Variants in ABCA6 observed in about 807,000 individuals in gnomAD.
ABCA6 encodes ATP-binding cassette sub-family A member 6.
ABCA6 carries 164 observed loss-of-function variants against 191.2 expected under a neutral mutation model. The observed-to-expected ratio is 0.86, with a 90% CI of 0.76 to 0.98. The LOEUF is 0.98. ABCA6 is among the 50% of genes least tolerant of loss of function. The pLI is 0.00. For missense variants in ABCA6, 1,958 were observed against 1,894.1 expected, an observed-to-expected ratio of 1.03 and a Z score of -0.63; for synonymous variants, 636 against 647.7, an observed-to-expected ratio of 0.98 and a Z score of 0.27.
In ABCA6 at chr17:69,105,565, T is replaced by A; in HGVS notation, c.2637A>T (p.Leu879Phe). 1 of 1,576,896 alleles carries A rather than the reference T, an allele frequency of 6.3e-7. No individual in the cohort carries two copies. The highest frequency in any genetic ancestry group is 8.7e-7 in the Non-Finnish European group (1 of 1,147,860). Residue 879 changes from leucine (L) to phenylalanine (F), a missense_variant, in exon 20 of 39, where the codon TTA becomes TTT. Physicochemically the swap from Leu to Phe is conservative, Grantham distance 22. Coordinates refer to ENST00000284425, the MANE Select transcript of ABCA6 (RefSeq NM_080284.3). ...TAAATTCCCAATCGATCTTTTCATT[T>A]AACATAGCATACATTATATTTTCAA... Reference protein sequence around the residue: ...LIVENIMYAMLNEKIDWEFKN... With the variant: ...LIVENIMYAMFNEKIDWEFKN...
chr17:69,083,476 A>T, intron 34 of ABCA6, 145 bp from the exon 35 acceptor site: 1 of 726,534 alleles, frequency 1.4e-6, no homozygotes, highest in Non-Finnish European at 2.0e-6. Flanking sequence ...TGATAACATA[A>T]ATAACATTTT....
intron 20 of ABCA6, chr17:69,103,813 T>C (rs997486218): frequency 6.6e-5 from 10 of 151,696 alleles, no homozygotes; most frequent in Admixed American, 5.9e-4. Context: ...CATATTTACT[T>C]ACTGAGAGAC....
intron 6 of ABCA6, among the ~76,000 whole-genome samples, chr17:69,133,116 T>C (rs1182217906): frequency 1.3e-5 from 2 of 152,216 alleles, no homozygotes; most frequent in Non-Finnish European, 2.9e-5. Context: ...AGGAATATTA[T>C]GTGGGCTCTC....
intron 17 of ABCA6, chr17:69,110,426 A>C (rs929672006): frequency 5.1e-6 from 1 of 195,022 alleles, no homozygotes; most frequent in African/African-American, 2.4e-5. Context: ...CCCTTAATCA[A>C]CAATGGATAG....
chr17:69,097,238 A>G (rs2073070186), intron 23 of ABCA6, among the ~76,000 whole-genome samples: 1 of 152,152 alleles, frequency 6.6e-6, no homozygotes, highest in African/African-American at 2.4e-5. Flanking sequence ...TAAAAACACA[A>G]AAAGTAGTTG....
rs1196866549 is a variant in ABCA6, at chr17:69,091,523, C to CTTTTTTTTTTTTTTTTTTTTT, written c.3409-262_3409-261insAAAAAAAAAAAAAAAAAAAAA. Among the ~76,000 whole-genome samples, 3 of 76,410 alleles carry CTTTTTTTTTTTTTTTTTTTTT rather than the reference C, an allele frequency of 3.9e-5. 1 individual carries two copies. The highest frequency in any genetic ancestry group is 1.3e-4 in the African/African-American group (2 of 14,828). 50.1% of individuals were successfully genotyped at this position (76,410 alleles called of 152,430 possible). On this transcript the variant is annotated intron_variant, in intron 25 of 38. Coordinates refer to ENST00000284425, the MANE Select transcript of ABCA6 (RefSeq NM_080284.3). ...AAAGCTAAAATGACCAAATAGACTT[C>CTTTTTTTTTTTTTTTTTTTTT]TTTTTTTTTTTTTTTTTGAGACGGA...
chr17:69,087,342 T>C lies in ABCA6; in HGVS notation c.3819+11A>G, dbSNP rs201758863. ...CTCCATTAATATCCATTTTGCCCCT[T>C]GCTTTTTTACCTCATCTAAGATTGA... On this transcript the variant is annotated intron_variant, in intron 29 of 38. Coordinates refer to ENST00000284425, the MANE Select transcript of ABCA6 (RefSeq NM_080284.3). 106 of 1,611,204 alleles carry C rather than the reference T, an allele frequency of 6.6e-5. No homozygotes were observed. The East Asian group carries it at 2.3e-3, about 34-fold the overall frequency.
rs2073905707 is a variant in ABCA6, at chr17:69,133,804, A to G, written c.628T>C (p.Leu210=). 4 of 1,613,166 alleles carry G rather than the reference A, an allele frequency of 2.5e-6. No individual in the cohort carries two copies. The highest frequency in any genetic ancestry group is 2.5e-6 in the Non-Finnish European group (3 of 1,179,428). The stretch of plus-strand genomic sequence containing the variant: ...AGAAGATTTTTAGTTATGAAAGGTA[A>G]TGTCTTCATAGTTATAGCAGTAACT... ...MSVTAITMKT[L]PFITKNLLHN... is the part of the protein sequence containing the mutation. The change falls in exon 6 of 39, where the codon TTA becomes CTA. Residue 210 remains leucine (L), a synonymous_variant. Transcript: ENST00000284425.
At chr17:69,096,176 T>A in intron 25 of ABCA6, 64 bp downstream of exon 25, 1 of 768,746 alleles carries the variant, frequency 1.3e-6, no homozygotes, top group East Asian at 3.2e-5. Flanking sequence ...CATCTGTATT[T>A]AAGATTACAT....
intron 10 of ABCA6, among the ~76,000 whole-genome samples, chr17:69,121,961 A>C (rs1424626117): frequency 6.6e-6 from 1 of 152,036 alleles, no homozygotes; most frequent in Admixed American, 6.6e-5. Flanking sequence ...TTGGTTAAGA[A>C]CTAGATGGAG....
intron 25 of ABCA6, among the ~76,000 whole-genome samples, chr17:69,093,056 A>G (rs907359574): frequency 6.6e-6 from 1 of 152,184 alleles, no homozygotes; most frequent in Admixed American, 6.5e-5. Flanking sequence ...ATTGCCAACC[A>G]TGCTACTGTC....
rs1462216626 is a variant in ABCA6 at position 69,114,821 on chromosome 17, C to T, written c.1723G>A (p.Glu575Lys). Reference sequence around the variant, plus strand: ...ATTTTAGCAAACAGGCTGAGGTTTTCCTTCACGGTGAGTATGTCAAATTGA... The same window carrying T: ...ATTTTAGCAAACAGGCTGAGGTTTTTCTTCACGGTGAGTATGTCAAATTGA... ...NVQFDILTVK[E>K]NLSLFAKIKG... is the part of the protein sequence containing the mutation. Residue 575 changes from glutamate to lysine, a missense_variant, in exon 13 of 39, where the codon GAA (glutamate) becomes AAA (lysine). Coordinates refer to ENST00000284425, the MANE Select transcript of ABCA6 (RefSeq NM_080284.3). 1.2e-6 allele frequency: 2 copies of T among 1,612,420 alleles called. No individual in the cohort carries two copies. Among genetic ancestry groups the T allele is most frequent in the South Asian group, 2.2e-5 (2 of 90,950 alleles).
intron 10 of ABCA6, among the ~76,000 whole-genome samples, chr17:69,119,538 A>G (rs545637590): frequency 6.6e-6 from 1 of 152,064 alleles, no homozygotes; most frequent in South Asian, 2.1e-4. Flanking sequence ...TTACTCCTCA[A>G]CGTTCCTCAT....
At chr17:69,106,764 T>C (rs1256583860) in intron 18 of ABCA6, among the ~76,000 whole-genome samples, 2 of 152,130 alleles carry the variant, frequency 1.3e-5, no homozygotes, top group African/African-American at 4.8e-5. Context: ...AAAATTAAAA[T>C]TTTAAATAAA....
intron 21 of ABCA6, among the ~76,000 whole-genome samples, chr17:69,102,315 C>T (rs917303964): frequency 6.6e-6 from 1 of 152,142 alleles, no homozygotes; most frequent in African/African-American, 2.4e-5. Context: ...TGAGCTCCAG[C>T]CTGGGTAACA....
chr17:69,134,541 A>G (rs1416372751), intron 5 of ABCA6, 98 bp downstream of exon 5: 1 of 808,030 alleles, frequency 1.2e-6, no homozygotes, highest in Non-Finnish European at 2.0e-6. Context: ...TTGTTGTAGC[A>G]GTACAAACGG....
At chr17:69,110,460 C>G (rs1010236649) in intron 17 of ABCA6, 1 of 219,094 alleles carries the variant, frequency 4.6e-6, no homozygotes, top group African/African-American at 2.3e-5. Flanking sequence ...AGAACCCCAG[C>G]TTACTCACCC....
intron 20 of ABCA6, among the ~76,000 whole-genome samples, chr17:69,103,241 A>AAAC (rs766391503): frequency 1.1e-4 from 16 of 152,052 alleles, no homozygotes; most frequent in South Asian, 2.1e-4. Context: ...GACTTTTGGT[A>AAAC]AACAACAACA....
Position 69,084,525 on chromosome 17 carries a change from G to A in ABCA6, c.4185-18C>T. ...TCACTAATCTGACAGAAAACAGAATGAGAATATCTGGTCAAGACAAGGTTT... is the reference window on the plus strand; with the variant it reads ...TCACTAATCTGACAGAAAACAGAATAAGAATATCTGGTCAAGACAAGGTTT... On this transcript the variant is annotated intron_variant, in intron 32 of 38. Coordinates refer to ENST00000284425, the MANE Select transcript of ABCA6 (RefSeq NM_080284.3). 6.2e-7 allele frequency: 1 copy of A among 1,612,852 alleles called. No homozygotes were observed. The highest frequency in any genetic ancestry group is 1.1e-5 in the South Asian group (1 of 91,040).
Sources: allele counts gnomAD v4.1 joint callset (sites outside exome capture counted in the v4.1 genomes callset), GRCh38; gene constraint gnomAD v4.1.1; transcripts MANE v1.5; gene names NCBI Gene and HGNC (gene_info 2026-07-23, HGNC 2026-07-21).